STEAP1B: variants seen among roughly 807,000 people sequenced by gnomAD.
STEAP1B encodes the protein STEAP family member 1B.
Under a neutral mutation model 27.9 loss-of-function variants are expected in STEAP1B, and 13 were observed. The ratio of observed to expected loss-of-function variants is 0.47; its 90% CI spans 0.30 to 0.74. The LOEUF is 0.74. STEAP1B is among the 30% of genes least tolerant of loss of function. The pLI is 0.06. For missense variants in STEAP1B, 250 were observed against 298.7 expected (o/e 0.84, Z 1.20); for synonymous variants, 86 against 107.1 (o/e 0.80, Z 1.22).
intron 4 of STEAP1B, among the ~76,000 whole-genome samples, chr7:22,447,268 CTTATT>C (rs753049021): frequency 4.6e-5 from 7 of 152,190 alleles, no homozygotes; most frequent in Non-Finnish European, 1.0e-4. Flanking sequence ...GTCACCATTG[CTTATT>C]AAATGCCAGG....
rs527716475 is a variant in STEAP1B at position 22,472,449 on chromosome 7, GCTACT to G, written c.762+20111_762+20115del. ...CGTCTTTGATGTCCTGCAGGTCAGT[GCTACT>G]CAAAAATGTGATTGGCAAGTGATGT... On this transcript the variant is annotated intron_variant, in intron 4 of 4. Coordinates refer to ENST00000678116, the MANE Select transcript of STEAP1B (RefSeq NM_001382447.1). Among the ~76,000 whole-genome samples, 148 of 152,304 alleles carry G rather than the reference GCTACT, an allele frequency of 9.7e-4. 6 individuals carry two copies. In the South Asian group the frequency reaches 0.03, roughly 31 times the overall value.
At chr7:22,460,640 T>A (rs1376355883) in intron 4 of STEAP1B, among the ~76,000 whole-genome samples, 1 of 152,112 alleles carries the variant, frequency 6.6e-6, no homozygotes, top group African/African-American at 2.4e-5. Flanking sequence ...GGTTTTCATT[T>A]GAGACCACTG....
rs566350685 is a variant in STEAP1B at position 22,428,659 on chromosome 7, T to A, written c.763-8823A>T. 3.3e-5 allele frequency among the ~76,000 whole-genome samples: 5 copies of A among 152,096 alleles called. No homozygotes were observed. In the South Asian group the frequency reaches 1.0e-3, roughly 32 times the overall value. ...TTAGCAAATGAAATCTACCAATATT[T>A]AAAAAATAAAGCACGCACCTATAGT... On this transcript the variant is annotated intron_variant, in intron 4 of 4. Coordinates refer to ENST00000678116, the MANE Select transcript of STEAP1B (RefSeq NM_001382447.1).
In STEAP1B at chr7:22,419,761, A is replaced by C; in HGVS notation, c.*43T>G. On this transcript the variant is annotated 3_prime_UTR_variant, in exon 5 of 5. Coordinates refer to ENST00000678116, the MANE Select transcript of STEAP1B (RefSeq NM_001382447.1). ...CATGAGCAATCCAATGCTGTGCTCC[A>C]AAGCCTCGTTCTCATTTCCTCTCAT... 2 of 1,545,650 alleles carry C rather than the reference A, an allele frequency of 1.3e-6. No homozygotes were observed. Among genetic ancestry groups the C allele is most frequent in the Non-Finnish European group, 1.7e-6 (2 of 1,143,636 alleles).
intron 4 of STEAP1B, among the ~76,000 whole-genome samples, chr7:22,486,143 C>A (rs984064064): frequency 6.6e-6 from 1 of 150,686 alleles, no homozygotes; most frequent in Admixed American, 6.6e-5. Context: ...CACATCGTTG[C>A]TTTTTGAAGC....
intron 4 of STEAP1B, among the ~76,000 whole-genome samples, chr7:22,480,674 G>A (rs1786053438): frequency 6.6e-6 from 1 of 152,208 alleles, no homozygotes. Context: ...TCATGCTATG[G>A]TGTTTCCCTC....
chr7:22,479,665 C>G (rs1157286757), intron 4 of STEAP1B, among the ~76,000 whole-genome samples: 4 of 141,412 alleles, frequency 2.8e-5, no homozygotes, highest in African/African-American at 1.1e-4. Flanking sequence ...ACAGTAGCCA[C>G]TAGTCATGTG....
At chr7:22,446,212 C>G (rs1191976336) in intron 4 of STEAP1B, among the ~76,000 whole-genome samples, 1 of 152,210 alleles carries the variant, frequency 6.6e-6, no homozygotes, top group Non-Finnish European at 1.5e-5. Flanking sequence ...ATCTGGAACA[C>G]TTGTTTATGA....
intron 4 of STEAP1B, among the ~76,000 whole-genome samples, chr7:22,479,257 C>T (rs1003868000): frequency 2.0e-5 from 3 of 152,016 alleles, no homozygotes; most frequent in Non-Finnish European, 4.4e-5. Flanking sequence ...ATGGAAGAAA[C>T]AAAAGGAGAT....
intron 3 of STEAP1B, 73 bp from the exon 4 acceptor site, chr7:22,492,802 C>T (rs547088546): frequency 1.4e-5 from 22 of 1,528,178 alleles, no homozygotes; most frequent in Non-Finnish European, 1.8e-5. Flanking sequence ...TCCTTCTACA[C>T]TCTTCCCTGT....
chr7:22,420,495 T>C (rs1285869466), intron 4 of STEAP1B, among the ~76,000 whole-genome samples: 2 of 152,344 alleles, frequency 1.3e-5, no homozygotes, highest in South Asian at 2.1e-4. Context: ...CAGGGGTGGC[T>C]TGAAGTCAGC....
intron 4 of STEAP1B, among the ~76,000 whole-genome samples, chr7:22,444,977 A>G (rs1332226198): frequency 6.6e-6 from 1 of 152,182 alleles, no homozygotes; most frequent in African/African-American, 2.4e-5. Context: ...GCGTGGCACA[A>G]GGAGAGCTGT....
At chr7:22,452,741 T>G (rs992278921) in intron 4 of STEAP1B, among the ~76,000 whole-genome samples, 4 of 152,212 alleles carry the variant, frequency 2.6e-5, no homozygotes, top group Admixed American at 6.5e-5. Flanking sequence ...CTTGCAGTGA[T>G]GCCCAGGGCT....
intron 4 of STEAP1B, among the ~76,000 whole-genome samples, chr7:22,434,305 A>G (rs957564538): frequency 2.0e-5 from 3 of 152,200 alleles, no homozygotes; most frequent in Non-Finnish European, 4.4e-5. Flanking sequence ...ATGATGCCCC[A>G]TGCTGTCTCC....
At chr7:22,497,811 G>C (rs1267845498) in intron 1 of STEAP1B, among the ~76,000 whole-genome samples, 2 of 152,194 alleles carry the variant, frequency 1.3e-5, no homozygotes, top group African/African-American at 4.8e-5. Context: ...ATCTGCTTCT[G>C]GGGAGGCCTC....
At chr7:22,433,058 G>A (rs2128400319) in intron 4 of STEAP1B, among the ~76,000 whole-genome samples, 1 of 151,940 alleles carries the variant, frequency 6.6e-6, no homozygotes, top group Non-Finnish European at 1.5e-5. Context: ...ACTGGAAAAT[G>A]AAAAATAGAA....
At chr7:22,483,049 G>A (rs959669290) in intron 4 of STEAP1B, among the ~76,000 whole-genome samples, 8 of 152,168 alleles carry the variant, frequency 5.3e-5, no homozygotes, top group Non-Finnish European at 1.2e-4. Context: ...TCTGAGAGCT[G>A]GATGGGGCAT....
At chr7:22,433,640 C>T (rs1472869925) in intron 4 of STEAP1B, among the ~76,000 whole-genome samples, 2 of 152,098 alleles carry the variant, frequency 1.3e-5, no homozygotes, top group Non-Finnish European at 2.9e-5. Flanking sequence ...TTCTATTGGG[C>T]AGGAAAGATT....
chr7:22,473,453 G>T (rs1355304884), intron 4 of STEAP1B, among the ~76,000 whole-genome samples: 1 of 152,206 alleles, frequency 6.6e-6, no homozygotes, highest in Non-Finnish European at 1.5e-5. Flanking sequence ...TAATGTGTCA[G>T]CTTCCAATGC....
Sources: allele counts gnomAD v4.1 joint callset (sites outside exome capture counted in the v4.1 genomes callset), GRCh38; gene constraint gnomAD v4.1.1; transcripts MANE v1.5; gene names NCBI Gene and HGNC (gene_info 2026-07-23, HGNC 2026-07-21).